Variants in TRIM5 observed in about 807,000 individuals in gnomAD.
TRIM5 encodes the protein tripartite motif containing 5, also known as tripartite motif-containing protein 5.
A neutral mutation model predicts 35.6 loss-of-function variants in TRIM5; 31 were observed. The ratio of observed to expected loss-of-function variants is 0.87; its 90% CI spans 0.65 to 1.18. TRIM5 has a LOEUF of 1.18. TRIM5 is among the 50% of genes most tolerant of loss of function. The probability of loss-of-function intolerance (pLI) is 0.00; values close to 1 mark genes in which losing one functional copy is unlikely to be tolerated. For missense variants in TRIM5, 609 were observed against 591.6 expected (o/e 1.03, Z -0.31); for synonymous variants, 243 against 215.6 (o/e 1.13, Z -1.11).
At chr11:5,597,025 C>G in the TRIM5 span, 19 of 1,558,396 alleles carry the variant, frequency 1.2e-5, no homozygotes, top group Non-Finnish European at 1.7e-5. Context: ...ATCTTTATTT[C>G]TTTTTCTTTC....
At chr11:5,632,258 T>C in the TRIM5 span, 5 of 1,603,924 alleles carry the variant, frequency 3.1e-6, no homozygotes, top group African/African-American at 6.7e-5. Context: ...TTCTCAGCCA[T>C]CCAGGGGTCT....
the TRIM5 span, chr11:5,643,125 A>ATATATATTTT: frequency 5.4e-5 from 53 of 974,488 alleles, no homozygotes; most frequent in Non-Finnish European, 5.8e-5. Flanking sequence ...ATATATATAT[A>ATATATATTTT]TTTTTTTTTT....
chr11:5,657,483 ATGC>A, the TRIM5 span, among the ~76,000 whole-genome samples: 1 of 127,484 alleles, frequency 7.8e-6, no homozygotes, highest in Non-Finnish European at 1.7e-5. Context: ...TTTATATATA[ATGC>A]ATTTATATAT....
At chr11:5,665,432 T>A (rs770481571) in intron 7 of TRIM5, 37 bp from the exon 8 acceptor site, 1 of 1,559,630 alleles carries the variant, frequency 6.4e-7, no homozygotes, top group East Asian at 2.2e-5. Context: ...AGGGATATAA[T>A]GTAACTTTAT....
At chr11:5,603,644 A>T in the TRIM5 span, 1 of 1,613,172 alleles carries the variant, frequency 6.2e-7, no homozygotes, top group Non-Finnish European at 8.5e-7. Flanking sequence ...TGTCAGGAGG[A>T]TGGGAAGGTC....
At chr11:5,614,199 T>C in the TRIM5 span, among the ~76,000 whole-genome samples, 14 of 152,152 alleles carry the variant, frequency 9.2e-5, no homozygotes, top group Non-Finnish European at 1.8e-4. Context: ...ACTAAAGAAA[T>C]GTACTTCTTG....
chr11:5,682,806 C>T (rs565168173), intron 1 of TRIM5, among the ~76,000 whole-genome samples: 2 of 152,244 alleles, frequency 1.3e-5, no homozygotes, highest in South Asian at 2.1e-4. Flanking sequence ...AGCCCTCACT[C>T]GCTCTTGGCG....
the TRIM5 span, among the ~76,000 whole-genome samples, chr11:5,654,841 A>T: frequency 1.3e-5 from 2 of 152,172 alleles, no homozygotes; most frequent in Non-Finnish European, 2.9e-5. Context: ...AACACCACAA[A>T]AATAGCAGAA....
the TRIM5 span, among the ~76,000 whole-genome samples, chr11:5,627,220 A>T: frequency 6.6e-6 from 1 of 151,736 alleles, no homozygotes. Context: ...TCTCTACTAA[A>T]AATACAAAAA....
the TRIM5 span, among the ~76,000 whole-genome samples, chr11:5,636,986 A>G: frequency 1.3e-5 from 2 of 152,174 alleles, no homozygotes; most frequent in Non-Finnish European, 2.9e-5. Context: ...CTCTACTAAA[A>G]ATACAAAAAA....
chr11:5,644,092 T>C, the TRIM5 span: 1 of 411,656 alleles, frequency 2.4e-6, no homozygotes, highest in Non-Finnish European at 4.3e-6. Context: ...TAAAGGTTCT[T>C]GGAGGGTATG....
the TRIM5 span, chr11:5,603,673 C>A: frequency 6.2e-7 from 1 of 1,613,178 alleles, no homozygotes; most frequent in Non-Finnish European, 8.5e-7. Context: ...GCTTTGTGAG[C>A]GGTCTCAGGA....
chr11:5,616,697 T>A, the TRIM5 span, among the ~76,000 whole-genome samples: 1 of 143,512 alleles, frequency 7.0e-6, no homozygotes, highest in Non-Finnish European at 1.5e-5. Context: ...GGGCTAGTTC[T>A]CAGGTTCTCA....
At chr11:5,642,786 A>G in the TRIM5 span, 1 of 1,613,756 alleles carries the variant, frequency 6.2e-7, no homozygotes, top group Non-Finnish European at 8.5e-7. Flanking sequence ...TTTGTTTCTA[A>G]TCAGCATCAC....
chr11:5,622,123 T>C, the TRIM5 span, among the ~76,000 whole-genome samples: 4 of 152,172 alleles, frequency 2.6e-5, no homozygotes, highest in African/African-American at 7.2e-5. Context: ...TGCATGTCCA[T>C]TGAACTCAGA....
the TRIM5 span, chr11:5,604,865 G>T: frequency 1.9e-5 from 9 of 485,190 alleles, no homozygotes; most frequent in Non-Finnish European, 2.2e-5. Context: ...ATGGCTAGGG[G>T]TCGCCCCAAT....
the TRIM5 span, chr11:5,642,400 C>A: frequency 1.9e-6 from 3 of 1,611,192 alleles, no homozygotes; most frequent in South Asian, 2.2e-5. Context: ...TTTTTTTCAT[C>A]CCTAGGAGTG....
the TRIM5 span, among the ~76,000 whole-genome samples, chr11:5,627,728 G>A: frequency 2.0e-5 from 3 of 152,184 alleles, no homozygotes; most frequent in African/African-American, 7.2e-5. Flanking sequence ...ATGCTACAAT[G>A]TTTCTGAGCT....
At chr11:5,606,666 A>T in the TRIM5 span, among the ~76,000 whole-genome samples, 1 of 151,880 alleles carries the variant, frequency 6.6e-6, no homozygotes, top group South Asian at 2.1e-4. Flanking sequence ...TATTACCCTG[A>T]TACTTTCTCC....
Sources: allele counts gnomAD v4.1 joint callset (sites outside exome capture counted in the v4.1 genomes callset), GRCh38; gene constraint gnomAD v4.1.1; transcripts MANE v1.5; gene names NCBI Gene and HGNC (gene_info 2026-07-23, HGNC 2026-07-21).